Variants in CPEB1 observed in about 807,000 individuals in gnomAD.
CPEB1 encodes cytoplasmic polyadenylation element-binding protein 1.
In CPEB1, 7 loss-of-function variants were observed where a neutral mutation model predicts 65.8. That is an observed-to-expected ratio of 0.11 (90% CI 0.06 to 0.20). The LOEUF (loss-of-function observed/expected upper bound fraction) is 0.20. Among genes scored for constraint, CPEB1 ranks in the 10% least tolerant of loss-of-function variants. CPEB1 has a pLI of 1.00. For missense variants in CPEB1, 551 were observed against 712.2 expected, an observed-to-expected ratio of 0.77 and a Z score of 2.58; for synonymous variants, 262 against 260.0, an observed-to-expected ratio of 1.01 and a Z score of -0.08.
intron 3 of CPEB1, among the ~76,000 whole-genome samples, chr15:82,617,539 G>C (rs2044839457): frequency 6.6e-6 from 1 of 151,932 alleles, no homozygotes; most frequent in East Asian, 1.9e-4. Context: ...AAGCACATTA[G>C]GTAAAAACTA....
intron 1 of CPEB1, chr15:82,629,820 G>C (rs2046089651): frequency 1.0e-6 from 1 of 985,306 alleles, no homozygotes; most frequent in Non-Finnish European, 1.2e-6. Context: ...AAGTGAGCAT[G>C]AGAATGACCA....
chr15:82,578,613 C>T (rs35934048), intron 3 of CPEB1, among the ~76,000 whole-genome samples: 61,110 of 151,598 alleles, frequency 0.4, 12,352 homozygotes, highest in South Asian at 0.49. Flanking sequence ...AAAAATTAGC[C>T]GGGTGTGGTG....
At chr15:82,556,846 G>A (rs1271361402) in intron 5 of CPEB1, among the ~76,000 whole-genome samples, 2 of 152,128 alleles carry the variant, frequency 1.3e-5, no homozygotes, top group South Asian at 2.1e-4. Context: ...TAAAACCAAT[G>A]GTCAGTGAGA....
At chr15:82,579,147 G>T (rs1395273460) in intron 3 of CPEB1, among the ~76,000 whole-genome samples, 1 of 152,116 alleles carries the variant, frequency 6.6e-6, no homozygotes, top group African/African-American at 2.4e-5. Flanking sequence ...GATTTTAAAA[G>T]ACCTCAATTT....
rs945386261 is a variant in CPEB1 at position 82,561,920 on chromosome 15, A to G, written c.461-3934T>C. Among the ~76,000 whole-genome samples the G allele has an allele frequency of 7.2e-5, 11 of 152,196 alleles. No homozygotes were observed. In the South Asian group the frequency reaches 2.3e-3, roughly 32 times the overall value. ...TTCATGGTCATTCATCTGTTCCGCA[A>G]TCTGGACCAGGTTCAGTTAAGCTTC... On this transcript the variant is annotated intron_variant, in intron 4 of 12. Coordinates refer to ENST00000684509, the MANE Select transcript of CPEB1 (RefSeq NM_001365242.1).
chr15:82,625,629 G>C (rs986699570), intron 3 of CPEB1, among the ~76,000 whole-genome samples: 7 of 152,062 alleles, frequency 4.6e-5, no homozygotes, highest in African/African-American at 1.7e-4. Context: ...CATACGTGTG[G>C]GTTTTACATC....
intron 3 of CPEB1, among the ~76,000 whole-genome samples, chr15:82,587,016 C>A (rs1596068649): frequency 6.6e-6 from 1 of 152,066 alleles, no homozygotes; most frequent in East Asian, 1.9e-4. Flanking sequence ...GTTGCCACCC[C>A]CTAGTTGTAA....
chr15:82,627,149 C>A, intron 3 of CPEB1, 44 bp downstream of exon 3: 2 of 1,531,932 alleles, frequency 1.3e-6, no homozygotes, highest in African/African-American at 1.4e-5. Context: ...AGAAGCAGAT[C>A]TGTACAGATG....
chr15:82,606,051 A>G (rs550729449), intron 3 of CPEB1, among the ~76,000 whole-genome samples: 2 of 152,328 alleles, frequency 1.3e-5, no homozygotes, highest in Non-Finnish European at 2.9e-5. Context: ...AAAAAAAGAC[A>G]TATTTGTAAT....
At chr15:82,563,782 T>C (rs541440691) in intron 4 of CPEB1, among the ~76,000 whole-genome samples, 2 of 152,326 alleles carry the variant, frequency 1.3e-5, no homozygotes, top group African/African-American at 4.8e-5. Context: ...AAATATTCTT[T>C]GTATAATTTT....
intron 2 of CPEB1, chr15:82,628,016 G>T (rs1420107432): frequency 1.7e-6 from 1 of 583,040 alleles, no homozygotes; most frequent in Non-Finnish European, 3.0e-6. Flanking sequence ...TCAGCCTCCA[G>T]ATCAAGGGGT....
rs148121787 is a variant in CPEB1 at position 82,602,811 on chromosome 15, C to T, written c.271+24382G>A. Among the ~76,000 whole-genome samples the T allele has an allele frequency of 2.2e-3, 332 of 152,246 alleles. 6 individuals are homozygous for T. The highest frequency in any genetic ancestry group is 6.6e-3 in the African/African-American group (275 of 41,536). Reference sequence around the variant, plus strand: ...CAGTGAGCCGAGATCATGCATGGCACTCCAGCCTGGGCGACAGAGCAACCC... The same window carrying T: ...CAGTGAGCCGAGATCATGCATGGCATTCCAGCCTGGGCGACAGAGCAACCC... On this transcript the variant is annotated intron_variant, in intron 3 of 12. Transcript: ENST00000684509.
intron 1 of CPEB1, among the ~76,000 whole-genome samples, chr15:82,636,631 T>G (rs2046680783): frequency 6.6e-6 from 1 of 152,164 alleles, no homozygotes; most frequent in South Asian, 2.1e-4. Context: ...CTCTCATCAC[T>G]TACCTGTCAC....
chr15:82,544,575 G>T lies in CPEB1; in HGVS notation c.*17C>A. 1.2e-6 allele frequency: 2 copies of T among 1,603,160 alleles called. No homozygotes were observed. Among genetic ancestry groups the T allele is most frequent in the Non-Finnish European group, 8.5e-7 (1 of 1,172,406 alleles). ...CCAGCTTTGGGCGCCACAGGCCACT[G>T]GGCAAGGCCAGCTCCTCTAGCTGGA... is the stretch of plus-strand genomic sequence containing the variant. On this transcript the variant is annotated 3_prime_UTR_variant, in exon 13 of 13. Transcript: ENST00000684509.
intron 3 of CPEB1, 127 bp downstream of exon 3, chr15:82,627,066 A>C (rs555401777): frequency 3.5e-4 from 244 of 700,182 alleles, no homozygotes; most frequent in Admixed American, 8.7e-4. Flanking sequence ...AACCACAAAA[A>C]GGCAAGTATT....
At chr15:82,605,763 G>A (rs553259426) in intron 3 of CPEB1, among the ~76,000 whole-genome samples, 1 of 152,306 alleles carries the variant, frequency 6.6e-6, no homozygotes, top group Admixed American at 6.5e-5. Context: ...TTGTGGCCGG[G>A]CACAGTGGCT....
intron 1 of CPEB1, among the ~76,000 whole-genome samples, chr15:82,646,519 A>C (rs970254040): frequency 6.6e-5 from 10 of 152,244 alleles, no homozygotes; most frequent in African/African-American, 2.4e-4. Flanking sequence ...CCGGCTTCTA[A>C]GAGCGAATTC....
upstream of CPEB1, chr15:82,647,874 G>A: frequency 3.2e-6 from 4 of 1,261,842 alleles, no homozygotes; most frequent in Non-Finnish European, 4.0e-6. Flanking sequence ...ACGCCATGGG[G>A]CCGGTGTGGC....
rs1428838637 is a variant in CPEB1 at position 82,543,501 on chromosome 15, CAA to C, written c.*1089_*1090del. The C allele has an allele frequency of 1.5e-5, 2 of 133,200 alleles. No individual in the cohort carries two copies. Among genetic ancestry groups the C allele is most frequent in the African/African-American group, 5.7e-5 (2 of 34,888 alleles). 8.3% of individuals were successfully genotyped at this position (133,200 alleles called of 1,614,324 possible). On this transcript the variant is annotated 3_prime_UTR_variant, in exon 13 of 13. Coordinates refer to ENST00000684509, the MANE Select transcript of CPEB1 (RefSeq NM_001365242.1). ...AAAAAAAAAGGAAAGAAAAAAAAGT[CAA>C]GTTTTCAAATTCCAGTGGCATTTCA...
Sources: gnomAD v4.1 joint callset for allele counts (sites outside exome capture counted in the v4.1 genomes callset) on GRCh38, gnomAD v4.1.1 for gene constraint, MANE v1.5 for transcripts, NCBI Gene and HGNC (gene_info 2026-07-23, HGNC 2026-07-21) for gene names.